DDX60: variants seen among roughly 807,000 people sequenced by gnomAD.
DDX60 encodes the protein DExD/H-box helicase 60.
A neutral mutation model predicts 212.8 loss-of-function variants in DDX60; 165 were observed. The observed-to-expected ratio is 0.78, with a 90% CI of 0.68 to 0.88. The LOEUF (loss-of-function observed/expected upper bound fraction) is 0.88, where lower values mean the gene tolerates loss of function less well. DDX60 is among the 40% of genes least tolerant of loss of function. The probability of loss-of-function intolerance (pLI) is 0.00; values close to 1 mark genes in which losing one functional copy is unlikely to be tolerated. For synonymous variants in DDX60, 703 were observed against 685.3 expected (o/e 1.03, Z -0.40); for missense variants, 1,905 against 2,003.9 (o/e 0.95, Z 0.94).
At chr4:168,253,988 A>G (rs1034039299) in intron 26 of DDX60, among the ~76,000 whole-genome samples, 1 of 152,256 alleles carries the variant, frequency 6.6e-6, no homozygotes, top group Non-Finnish European at 1.5e-5. Flanking sequence ...CGTGTTAAGT[A>G]ACGTTACCTT....
At chr4:168,227,179 C>T (rs1432902826) in intron 33 of DDX60, among the ~76,000 whole-genome samples, 1 of 150,326 alleles carries the variant, frequency 6.7e-6, no homozygotes, top group Non-Finnish European at 1.5e-5. Context: ...CCAGTGAAGC[C>T]ATCTGAGCCT....
chr4:168,265,718 T>C (rs114687185), intron 22 of DDX60: 1 of 152,014 alleles, frequency 6.6e-6, no homozygotes, highest in African/African-American at 2.4e-5. Context: ...TGAACCATCC[T>C]ACACAGAATA....
intron 36 of DDX60, among the ~76,000 whole-genome samples, chr4:168,221,311 C>T (rs992335888): frequency 6.6e-6 from 1 of 152,112 alleles, no homozygotes; most frequent in African/African-American, 2.4e-5. Context: ...GTTTTTCCTG[C>T]CACAGAACTA....
At chr4:168,267,429 T>C (rs1299666428) in intron 22 of DDX60, among the ~76,000 whole-genome samples, 153 bp downstream of exon 22, 1 of 152,226 alleles carries the variant, frequency 6.6e-6, no homozygotes, top group Non-Finnish European at 1.5e-5. Flanking sequence ...AGAATACTCT[T>C]GTTATTTTTT....
intron 33 of DDX60, among the ~76,000 whole-genome samples, chr4:168,230,656 A>G (rs181814866): frequency 5.9e-4 from 90 of 152,264 alleles, no homozygotes; most frequent in African/African-American, 2.0e-3. Context: ...TAGTGACACA[A>G]CTGATTTAAA....
intron 30 of DDX60, among the ~76,000 whole-genome samples, chr4:168,238,402 G>A (rs1224291295): frequency 7.4e-6 from 1 of 135,686 alleles, no homozygotes; most frequent in Non-Finnish European, 1.6e-5. Context: ...GGGAAAGGGA[G>A]GGGAGGGGAG....
At chr4:168,274,694 T>C (rs1196442911) in intron 16 of DDX60, among the ~76,000 whole-genome samples, 2 of 152,194 alleles carry the variant, frequency 1.3e-5, no homozygotes, top group Non-Finnish European at 2.9e-5. Context: ...AGTCCTGCAC[T>C]GAAGCAAGGA....
At chr4:168,263,075 A>G (rs1209141705) in intron 22 of DDX60, among the ~76,000 whole-genome samples, 1 of 152,234 alleles carries the variant, frequency 6.6e-6, no homozygotes, top group Non-Finnish European at 1.5e-5. Flanking sequence ...AGCGATGGGA[A>G]GCTGAAAGAT....
chr4:168,311,083 A>AG lies in DDX60; in HGVS notation c.5-17_5-16insC, dbSNP rs1161301523. On this transcript the variant is annotated splice_polypyrimidine_tract_variant and intron_variant, in intron 2 of 37. Coordinates refer to ENST00000393743, the MANE Select transcript of DDX60 (RefSeq NM_017631.6). ...ACATTTCTTTCTAAATTTAAAAAAA[A>AG]AGAGAGAAAGAGAATGGGTTATTTT... 2 of 1,502,248 alleles carry AG rather than the reference A, an allele frequency of 1.3e-6. No homozygotes were observed. The highest frequency in any genetic ancestry group is 1.8e-6 in the Non-Finnish European group (2 of 1,089,218). The allele number at this position is 1,502,248 out of a possible 1,614,324, so 93.1% of individuals were successfully genotyped here. A position where few individuals can be genotyped will look rare whatever the true frequency, so the allele number is the denominator to read the frequency against.
chr4:168,308,600 A>G (rs1052568931), intron 3 of DDX60, among the ~76,000 whole-genome samples: 14 of 151,384 alleles, frequency 9.2e-5, no homozygotes, highest in Non-Finnish European at 1.9e-4. Flanking sequence ...ATATAGCTCT[A>G]AAAGTGCTGT....
intron 25 of DDX60, among the ~76,000 whole-genome samples, chr4:168,257,455 G>A (rs1734460313): frequency 6.6e-6 from 1 of 152,166 alleles, no homozygotes; most frequent in African/African-American, 2.4e-5. Flanking sequence ...GCCAGATTCA[G>A]TGACCTGCCC....
In DDX60 at chr4:168,308,107, A is replaced by G; in HGVS notation, c.163T>C (p.Ser55Pro). 1.2e-6 allele frequency: 2 copies of G among 1,610,668 alleles called. No homozygotes were observed. Among genetic ancestry groups the G allele is most frequent in the East Asian group, 2.2e-5 (1 of 44,752 alleles). The change falls in exon 4 of 38, where the codon TCA (serine) becomes CCA (proline). Residue 55 changes from serine (S) to proline (P), a missense_variant. Transcript: ENST00000393743. ...TGGAGGTTCTGCCCAGGCTTAAATG[A>G]TATCTCACAGATACATGTGATAAGT... Reference protein sequence around the residue: ...SLLITCICEISFKPGQNLHFF... With the variant: ...SLLITCICEIPFKPGQNLHFF...
intron 1 of DDX60, among the ~76,000 whole-genome samples, chr4:168,316,466 T>C (rs1036639397): frequency 1.3e-5 from 2 of 152,168 alleles, no homozygotes; most frequent in East Asian, 1.9e-4. Flanking sequence ...TAAATATGAA[T>C]GCTAAATTCT....
chr4:168,308,562 C>T (rs1302904179), intron 3 of DDX60, among the ~76,000 whole-genome samples: 1 of 151,718 alleles, frequency 6.6e-6, no homozygotes, highest in Non-Finnish European at 1.5e-5. Flanking sequence ...ACAAATTAAG[C>T]AAGAGGAAAC....
chr4:168,232,495 T>C lies in DDX60; in HGVS notation c.4533+3757A>G, dbSNP rs571735925. On this transcript the variant is annotated intron_variant, in intron 33 of 37. Transcript: ENST00000393743. ...GGTTATAGTCACCAAAACCACAAGG[T>C]CCTGGCATAAATATAGACACATAGA... 2.0e-5 allele frequency among the ~76,000 whole-genome samples: 3 copies of C among 152,104 alleles called. No individual in the cohort carries two copies. The East Asian group carries it at 5.8e-4, about 29-fold the overall frequency.
chr4:168,236,886 T>C (rs1417006662), intron 32 of DDX60, among the ~76,000 whole-genome samples: 3 of 151,668 alleles, frequency 2.0e-5, no homozygotes, highest in Non-Finnish European at 4.4e-5. Flanking sequence ...ACATTAATAG[T>C]GATTATCTGT....
intron 1 of DDX60, among the ~76,000 whole-genome samples, chr4:168,314,320 C>A (rs1280288292): frequency 7.0e-6 from 1 of 143,154 alleles, no homozygotes; most frequent in Non-Finnish European, 1.5e-5. Context: ...TGATTGAACA[C>A]TCACACACAC....
intron 10 of DDX60, among the ~76,000 whole-genome samples, chr4:168,286,175 T>C (rs1172498734): frequency 1.3e-5 from 2 of 151,912 alleles, no homozygotes; most frequent in Non-Finnish European, 2.9e-5. Context: ...CCTATGCCTT[T>C]TATTTTCAAA....
intron 30 of DDX60, among the ~76,000 whole-genome samples, chr4:168,239,619 G>A (rs899040652): frequency 6.6e-6 from 1 of 152,094 alleles, no homozygotes; most frequent in Non-Finnish European, 1.5e-5. Flanking sequence ...TAATGTTAGA[G>A]CAAAGAATTT....
Sources: gnomAD v4.1 joint callset for allele counts (sites outside exome capture counted in the v4.1 genomes callset) on GRCh38, gnomAD v4.1.1 for gene constraint, MANE v1.5 for transcripts, NCBI Gene and HGNC (gene_info 2026-07-23, HGNC 2026-07-21) for gene names.